Variants in LCK observed in about 807,000 individuals in gnomAD.
LCK encodes the protein LCK proto-oncogene, Src family tyrosine kinase, also known as tyrosine-protein kinase Lck.
In LCK, 14 loss-of-function variants were observed where a neutral mutation model predicts 64.6. The ratio of observed to expected loss-of-function variants is 0.22; its 90% CI spans 0.14 to 0.34. LCK has a LOEUF of 0.34. Ranked by LOEUF, LCK falls within the 10% of genes least tolerant of loss-of-function variation. The pLI, the probability that LCK is intolerant of heterozygous loss-of-function variation, is 1.00. For synonymous variants in LCK, 277 were observed against 263.6 expected, an observed-to-expected ratio of 1.05 and a Z score of -0.49; for missense variants, 434 against 668.1, an observed-to-expected ratio of 0.65 and a Z score of 3.86.
At chr1:32,267,240 C>T (rs1432155374) in intron 1 of LCK, among the ~76,000 whole-genome samples, 1 of 152,100 alleles carries the variant, frequency 6.6e-6, no homozygotes, top group Non-Finnish European at 1.5e-5. Flanking sequence ...AAATGTCCAC[C>T]TCCCCCCAGG....
chr1:32,281,911 T>C (rs1217913123), intron 12 of LCK, among the ~76,000 whole-genome samples: 1 of 151,288 alleles, frequency 6.6e-6, no homozygotes, highest in Non-Finnish European at 1.5e-5. Context: ...AAAAAAAATA[T>C]ATATAAAAAT....
In LCK at chr1:32,285,499, C is replaced by T; in HGVS notation, c.1328-15C>T. The stretch of plus-strand genomic sequence containing the variant: ...AGTGCCTGACCTTGATGTCCTTTCA[C>T]CCATCAACCCGTAGGGATGACCAAC... On this transcript the variant is annotated splice_polypyrimidine_tract_variant and intron_variant, in intron 12 of 12. Coordinates refer to ENST00000336890, the MANE Select transcript of LCK (RefSeq NM_005356.5). 6.2e-7 allele frequency: 1 copy of T among 1,610,282 alleles called. No homozygotes were observed. Among genetic ancestry groups the T allele is most frequent in the Non-Finnish European group, 8.5e-7 (1 of 1,176,564 alleles).
chr1:32,265,621 C>G (rs1639887612), intron 1 of LCK, among the ~76,000 whole-genome samples: 1 of 152,186 alleles, frequency 6.6e-6, no homozygotes, highest in African/African-American at 2.4e-5. Context: ...GGCCCAGATT[C>G]AGTCCAGAAT....
In LCK at chr1:32,276,196, C is replaced by T. The variant is rs1389050399; in HGVS notation, c.631+133C>T. Reference sequence around the variant, plus strand: ...GGGTGAGGTGTGGAACCTGACCCTACGGCCCCAAGTGTTTGGGTGACAGCC... The same window carrying T: ...GGGTGAGGTGTGGAACCTGACCCTATGGCCCCAAGTGTTTGGGTGACAGCC... On this transcript the variant is annotated intron_variant, in intron 7 of 12. Coordinates refer to ENST00000336890, the MANE Select transcript of LCK (RefSeq NM_005356.5). This position sits in a 1 kb window ranked among gnomAD's most constrained non-coding sequence, Gnocchi z 4.6. 9.0e-6 allele frequency: 13 copies of T among 1,443,226 alleles called. No homozygotes were observed. The East Asian group carries it at 2.1e-4, about 24-fold the overall frequency. The allele number at this position is 1,443,226 out of a possible 1,614,324, so 89.4% of individuals were successfully genotyped here.
rs561703751 is a variant in LCK, at chr1:32,275,357, G to A, written c.315G>A (p.Thr105=). ...GEWWKAQSLT[T]GQEGFIPFNF... ...GGTGGAAGGCGCAGTCCCTGACCAC[G>A]GGCCAGGAAGGCTTCATCCCCTTCA... Residue 105 remains threonine, a synonymous_variant, in exon 5 of 13, where the codon ACG becomes ACA. Coordinates refer to ENST00000336890, the MANE Select transcript of LCK (RefSeq NM_005356.5). This position sits in a 1 kb window ranked among gnomAD's most constrained non-coding sequence, Gnocchi z 6.9. The A allele has an allele frequency of 1.2e-6, 2 of 1,614,184 alleles. No individual in the cohort carries two copies. The highest frequency in any genetic ancestry group is 2.2e-5 in the South Asian group (2 of 91,088).
chr1:32,264,878 G>T (rs1639870778), intron 1 of LCK, among the ~76,000 whole-genome samples: 1 of 152,082 alleles, frequency 6.6e-6, no homozygotes, highest in Admixed American at 6.6e-5. Context: ...GATTACAGGT[G>T]TGAGTCACTG....
chr1:32,260,398 G>A (rs993630229), intron 1 of LCK, among the ~76,000 whole-genome samples: 7 of 152,046 alleles, frequency 4.6e-5, no homozygotes, highest in African/African-American at 1.7e-4. Context: ...TTCCCATCTC[G>A]GCCCTAGGAT....
intron 1 of LCK, among the ~76,000 whole-genome samples, chr1:32,257,235 G>GTT (rs1250027939): frequency 1.3e-4 from 17 of 134,614 alleles, no homozygotes; most frequent in Admixed American, 2.3e-4. Context: ...AGTAAGTCTT[G>GTT]TTTTTTTTTT....
At chr1:32,258,266 G>T (rs1264528422) in intron 1 of LCK, among the ~76,000 whole-genome samples, 1 of 147,762 alleles carries the variant, frequency 6.8e-6, no homozygotes, top group African/African-American at 2.5e-5. Context: ...CTGGGCAACA[G>T]AGTGAGATCC....
intron 1 of LCK, among the ~76,000 whole-genome samples, chr1:32,263,926 A>G (rs960081919): frequency 1.6e-4 from 24 of 152,222 alleles, no homozygotes; most frequent in African/African-American, 4.1e-4. Context: ...AAAAAAAAAA[A>G]AAGAAGAAGA....
At chr1:32,279,253 A>G (rs1261426961) in intron 9 of LCK, among the ~76,000 whole-genome samples, 1 of 151,952 alleles carries the variant, frequency 6.6e-6, no homozygotes, top group African/African-American at 2.4e-5. Context: ...GAAAAGTAGA[A>G]TTTTTTTTAG....
At chr1:32,266,892 C>A (rs1639940493) in intron 1 of LCK, among the ~76,000 whole-genome samples, 1 of 139,498 alleles carries the variant, frequency 7.2e-6, no homozygotes, top group African/African-American at 2.8e-5. Flanking sequence ...ATTCCCTCTT[C>A]TTAACCTCAA....
At chr1:32,284,295 GAT>G (rs71278771) in intron 12 of LCK, among the ~76,000 whole-genome samples, 3 of 145,910 alleles carry the variant, frequency 2.1e-5, no homozygotes, top group South Asian at 4.3e-4. Context: ...ATATCTGTGA[GAT>G]ATATATATAT....
chr1:32,279,426 G>A (rs1640381820), intron 9 of LCK, among the ~76,000 whole-genome samples: 1 of 152,110 alleles, frequency 6.6e-6, no homozygotes, highest in Non-Finnish European at 1.5e-5. Flanking sequence ...GAGGATTCTA[G>A]GTTCTACCTT....
chr1:32,270,250 CTT>C (rs1195979098), intron 1 of LCK, among the ~76,000 whole-genome samples: 13 of 126,660 alleles, frequency 1.0e-4, no homozygotes, highest in South Asian at 5.1e-4. Context: ...GCCCAGCTAA[CTT>C]TTTTTTTTTT....
rs1640396798 is a variant in LCK, at chr1:32,279,863, T to C, written c.1064T>C (p.Ile355Thr). Reference sequence around the variant, plus strand: ...CAGATTGCAGAAGGCATGGCATTCATTGAAGAGCGGAATTATATTCATCGT... The same window carrying C: ...CAGATTGCAGAAGGCATGGCATTCACTGAAGAGCGGAATTATATTCATCGT... ...AAQIAEGMAF[I>T]EERNYIHRDL... The change falls in exon 11 of 13, where the codon ATT becomes ACT. Residue 355 changes from isoleucine to threonine, a missense_variant. Physicochemically the swap from Ile to Thr is moderately conservative, Grantham distance 89. Transcript: ENST00000336890. The C allele has an allele frequency of 6.2e-7, 1 of 1,614,252 alleles. No individual in the cohort carries two copies. The highest frequency in any genetic ancestry group is 8.5e-7 in the Non-Finnish European group (1 of 1,180,050).
At chr1:32,272,523 G>C (rs959163869) in intron 1 of LCK, among the ~76,000 whole-genome samples, 6 of 149,268 alleles carry the variant, frequency 4.0e-5, no homozygotes, top group African/African-American at 1.5e-4. Flanking sequence ...AGGTCTAAGG[G>C]GATTGCGCCA....
At chr1:32,279,496 A>G in intron 9 of LCK, 175 bp from the exon 10 acceptor site, 3 of 1,302,904 alleles carry the variant, frequency 2.3e-6, no homozygotes, top group South Asian at 2.8e-5. Context: ...CCCTCTGCAA[A>G]AAAACCTTTA....
intron 9 of LCK, among the ~76,000 whole-genome samples, chr1:32,277,445 C>A (rs1048450116): frequency 6.6e-6 from 1 of 152,044 alleles, no homozygotes; most frequent in Non-Finnish European, 1.5e-5. Flanking sequence ...CTCCCTTCTG[C>A]CCCTGAGCCC....
Sources: allele counts gnomAD v4.1 joint callset (sites outside exome capture counted in the v4.1 genomes callset), GRCh38; gene constraint gnomAD v4.1.1; non-coding constraint Gnocchi (gnomAD v3.1); transcripts MANE v1.5; gene names NCBI Gene and HGNC (gene_info 2026-07-23, HGNC 2026-07-21).